CDK14: variants seen among roughly 807,000 people sequenced by gnomAD.
CDK14 encodes the protein cyclin dependent kinase 14.
In CDK14, 34 loss-of-function variants were observed where a neutral mutation model predicts 60.7. That is an observed-to-expected ratio of 0.56 (90% CI 0.43 to 0.75). The LOEUF (loss-of-function observed/expected upper bound fraction) is 0.75. CDK14 is among the 30% of genes least tolerant of loss of function. The pLI is 0.00. For synonymous variants in CDK14, 197 were observed against 203.7 expected (o/e 0.97, Z 0.28); for missense variants, 482 against 564.1 (o/e 0.85, Z 1.47).
At chr7:91,109,492 A>G (rs1384365405) in intron 12 of CDK14, among the ~76,000 whole-genome samples, 1 of 152,146 alleles carries the variant, frequency 6.6e-6, no homozygotes, top group Non-Finnish European at 1.5e-5. Context: ...TTATACTTCT[A>G]AAATAGTTCT....
chr7:90,776,094 A>G (rs1168895812), intron 4 of CDK14, among the ~76,000 whole-genome samples: 1 of 152,172 alleles, frequency 6.6e-6, no homozygotes, highest in Admixed American at 6.5e-5. Context: ...AGTAATTTCA[A>G]GAGTATGTGT....
intron 14 of CDK14, among the ~76,000 whole-genome samples, chr7:91,173,789 C>G (rs540584153): frequency 6.6e-6 from 1 of 152,342 alleles, no homozygotes; most frequent in South Asian, 2.1e-4. Flanking sequence ...TATCCCGCAC[C>G]TGGCTCGGAG....
chr7:90,928,039 C>T (rs966510624), intron 8 of CDK14, among the ~76,000 whole-genome samples: 2 of 152,108 alleles, frequency 1.3e-5, no homozygotes, highest in Admixed American at 1.3e-4. Flanking sequence ...TCACGTAGTT[C>T]TAATGCCATG....
chr7:90,675,663 A>G (rs912090883), intron 2 of CDK14, among the ~76,000 whole-genome samples: 5 of 152,178 alleles, frequency 3.3e-5, no homozygotes, highest in Non-Finnish European at 5.9e-5. Flanking sequence ...TCTTTTCTGT[A>G]TATATGCAAA....
rs10274847 is a variant in CDK14, at chr7:91,209,047, G to C, written c.*1911G>C. On this transcript the variant is annotated 3_prime_UTR_variant, in exon 15 of 15. Coordinates refer to ENST00000380050, the MANE Select transcript of CDK14 (RefSeq NM_001287135.2). The stretch of plus-strand genomic sequence containing the variant: ...AAAACATAGGGAGAAAACTTTACAT[G>C]CAATTAAAAATGGACTTTCCTGTGA... The C allele has an allele frequency of 6.6e-4, 101 of 152,674 alleles. No individual in the cohort carries two copies. The highest frequency in any genetic ancestry group is 2.3e-3 in the African/African-American group (95 of 41,532). 9.5% of individuals were successfully genotyped at this position (152,674 alleles called of 1,614,324 possible).
chr7:90,923,296 A>T (rs1238422851), intron 8 of CDK14, among the ~76,000 whole-genome samples: 1 of 151,934 alleles, frequency 6.6e-6, no homozygotes, highest in South Asian at 2.1e-4. Context: ...TTTTTAGTAG[A>T]GACAGGGTTT....
At chr7:90,715,676 T>TC (rs1491223991) in intron 2 of CDK14, among the ~76,000 whole-genome samples, 19 of 100,062 alleles carry the variant, frequency 1.9e-4, no homozygotes, top group Admixed American at 1.0e-4. Flanking sequence ...TTTTTTTTTT[T>TC]CTAGAGTAAG....
intron 5 of CDK14, among the ~76,000 whole-genome samples, chr7:90,811,031 G>A (rs138783416): frequency 0.2 from 29,895 of 152,010 alleles, 3,039 homozygotes; most frequent in South Asian, 0.24. Context: ...CGTGAGAATG[G>A]CCATACTGCC....
chr7:91,146,804 A>C (rs1800651914), intron 14 of CDK14, among the ~76,000 whole-genome samples: 1 of 151,402 alleles, frequency 6.6e-6, no homozygotes, highest in Non-Finnish European at 1.5e-5. Flanking sequence ...TTCCAATCTC[A>C]ACTTCCATTT....
intron 4 of CDK14, among the ~76,000 whole-genome samples, chr7:90,781,736 G>A (rs1041325100): frequency 2.0e-5 from 3 of 151,168 alleles, no homozygotes; most frequent in South Asian, 2.1e-4. Flanking sequence ...TAGATATGCG[G>A]CATTATTTCT....
At chr7:91,013,583 C>T (rs1184955569) in intron 10 of CDK14, among the ~76,000 whole-genome samples, 9 of 151,338 alleles carry the variant, frequency 5.9e-5, no homozygotes, top group African/African-American at 1.7e-4. Context: ...TTGAAACCTA[C>T]GTTCCTGTCC....
chr7:91,188,830 A>G (rs1562988187), intron 14 of CDK14, among the ~76,000 whole-genome samples: 3 of 152,256 alleles, frequency 2.0e-5, no homozygotes, highest in Non-Finnish European at 4.4e-5. Flanking sequence ...GTTTAGAAAT[A>G]AGAAACTCAA....
At chr7:90,849,661 C>T (rs368270848) in intron 5 of CDK14, among the ~76,000 whole-genome samples, 46 of 152,022 alleles carry the variant, frequency 3.0e-4, no homozygotes, top group Non-Finnish European at 5.3e-4. Context: ...TTTACCACAT[C>T]GTGAAGCACA....
At chr7:90,787,013 T>G (rs1805613688) in intron 4 of CDK14, among the ~76,000 whole-genome samples, 1 of 152,096 alleles carries the variant, frequency 6.6e-6, no homozygotes, top group Non-Finnish European at 1.5e-5. Context: ...TTTCCACAGC[T>G]GTCTTTTCTA....
At chr7:90,813,568 C>T (rs1789225965) in intron 5 of CDK14, among the ~76,000 whole-genome samples, 1 of 151,902 alleles carries the variant, frequency 6.6e-6, no homozygotes, top group Non-Finnish European at 1.5e-5. Context: ...GCCAACATGG[C>T]AAAACCCCGT....
chr7:90,942,960 A>G (rs1793979836), intron 8 of CDK14, among the ~76,000 whole-genome samples: 2 of 152,144 alleles, frequency 1.3e-5, no homozygotes, highest in South Asian at 2.1e-4. Flanking sequence ...GAGTATTTTT[A>G]TACTTCTGCC....
rs1414582060 is a variant in CDK14, at chr7:90,790,612, G to A, written c.504G>A (p.Leu168=). The A allele has an allele frequency of 1.2e-6, 2 of 1,612,772 alleles. No homozygotes were observed. Among genetic ancestry groups the A allele is most frequent in the African/African-American group, 1.3e-5 (1 of 74,874 alleles). The change falls in exon 5 of 15, where the codon CTG becomes CTA. Residue 168 remains leucine (L), a synonymous_variant. Coordinates refer to ENST00000380050, the MANE Select transcript of CDK14 (RefSeq NM_001287135.2). Reference sequence around the variant, plus strand: ...TGGTAGCTCTGAAGGTGATCAGGCTGCAGGAAGAAGAAGGGACACCTTTCA... The same window carrying A: ...TGGTAGCTCTGAAGGTGATCAGGCTACAGGAAGAAGAAGGGACACCTTTCA... The part of the protein sequence containing the change: ...GKLVALKVIR[L]QEEEGTPFTA...
chr7:90,730,564 G>A (rs1411258747), intron 3 of CDK14, among the ~76,000 whole-genome samples: 2 of 152,132 alleles, frequency 1.3e-5, no homozygotes, highest in Admixed American at 6.5e-5. Context: ...GGCGTGAGAT[G>A]GTATCTCATT....
Position 90,908,272 on chromosome 7 carries a change from T to C in CDK14, c.702+8919T>C, listed in dbSNP as rs184931418. The stretch of plus-strand genomic sequence containing the variant: ...AGTAGTGAATTTTCTGGTTAAGATA[T>C]GGGGTCTGCATTTAGTTGTTTAGAA... On this transcript the variant is annotated intron_variant, in intron 7 of 14. Coordinates refer to ENST00000380050, the MANE Select transcript of CDK14 (RefSeq NM_001287135.2). Among the ~76,000 whole-genome samples the C allele has an allele frequency of 5.8e-4, 88 of 152,252 alleles. No individual in the cohort carries two copies. In the East Asian group the frequency reaches 0.014, roughly 24 times the overall value.
Sources: gnomAD v4.1 joint callset for allele counts (sites outside exome capture counted in the v4.1 genomes callset) on GRCh38, gnomAD v4.1.1 for gene constraint, MANE v1.5 for transcripts, NCBI Gene and HGNC (gene_info 2026-07-23, HGNC 2026-07-21) for gene names.